Variants in SAMSN1 observed in about 807,000 individuals in gnomAD.
The protein encoded by SAMSN1 is SAM domain, SH3 domain and nuclear localization signals 1.
A neutral mutation model predicts 42.0 loss-of-function variants in SAMSN1; 31 were observed. The observed-to-expected ratio is 0.74, with a 90% CI of 0.55 to 1.00. The LOEUF is 1.00. Ranked by LOEUF, SAMSN1 falls within the 50% of genes least tolerant of loss-of-function variation. SAMSN1 has a pLI of 0.00. For missense variants in SAMSN1, 464 were observed against 439.4 expected (o/e 1.06, Z -0.50); for synonymous variants, 178 against 151.9 (o/e 1.17, Z -1.26).
chr21:14,615,868 A>G (rs1982823012), intron 3 of SAMSN1: 1 of 244,090 alleles, frequency 4.1e-6, no homozygotes, highest in African/African-American at 2.5e-5. Context: ...AGCTGCAAAA[A>G]AAAAAAAAAA....
chr21:14,489,591 A>G (rs1013823071), intron 7 of SAMSN1, among the ~76,000 whole-genome samples: 2 of 152,180 alleles, frequency 1.3e-5, no homozygotes, highest in African/African-American at 4.8e-5. Flanking sequence ...AATAATTTGA[A>G]TAAGGGTCTT....
intron 4 of SAMSN1, among the ~76,000 whole-genome samples, chr21:14,511,469 CA>C (rs1321881146): frequency 1.3e-5 from 2 of 152,118 alleles, no homozygotes; most frequent in Admixed American, 6.5e-5. Context: ...TTCATACATG[CA>C]AAAAACATCC....
chr21:14,652,580 G>T (rs1983853249), intron 1 of SAMSN1, among the ~76,000 whole-genome samples: 1 of 151,924 alleles, frequency 6.6e-6, no homozygotes, highest in South Asian at 2.1e-4. Context: ...TTCAAACTAT[G>T]AAACTAGAAG....
intron 6 of SAMSN1, among the ~76,000 whole-genome samples, chr21:14,601,005 C>T (rs1982414315): frequency 6.6e-6 from 1 of 152,138 alleles, no homozygotes; most frequent in Non-Finnish European, 1.5e-5. Context: ...CACTGAATCC[C>T]ATGAAAGTAC....
chr21:14,520,486 A>G (rs1224323073), intron 2 of SAMSN1, among the ~76,000 whole-genome samples: 1 of 152,216 alleles, frequency 6.6e-6, no homozygotes, highest in Non-Finnish European at 1.5e-5. Flanking sequence ...GTCAGTTTGA[A>G]TTCTATCTTT....
chr21:14,558,934 GCTC>G (rs769847258), intron 2 of SAMSN1, among the ~76,000 whole-genome samples: 3 of 152,096 alleles, frequency 2.0e-5, no homozygotes, highest in Non-Finnish European at 4.4e-5. Context: ...TACCGACTCA[GCTC>G]CTGATTCCAG....
intron 1 of SAMSN1, among the ~76,000 whole-genome samples, chr21:14,545,724 T>C (rs1464890810): frequency 6.6e-6 from 1 of 152,198 alleles, no homozygotes; most frequent in Non-Finnish European, 1.5e-5. Flanking sequence ...CGAGCTATCA[T>C]GATTTAACAT....
intron 2 of SAMSN1, among the ~76,000 whole-genome samples, chr21:14,640,941 T>C (rs926904800): frequency 1.3e-5 from 2 of 152,158 alleles, no homozygotes; most frequent in Non-Finnish European, 2.9e-5. Context: ...GCAATATAAA[T>C]GAAGTTTGAA....
intron 1 of SAMSN1, among the ~76,000 whole-genome samples, chr21:14,543,878 T>C (rs1393871792): frequency 2.6e-5 from 4 of 152,230 alleles, no homozygotes; most frequent in Admixed American, 2.6e-4. Flanking sequence ...ATCTGGTATG[T>C]AGTTAATCAG....
chr21:14,612,260 G>A (rs993873213), intron 4 of SAMSN1, among the ~76,000 whole-genome samples: 1 of 151,992 alleles, frequency 6.6e-6, no homozygotes, highest in Non-Finnish European at 1.5e-5. Context: ...TAAAATTATT[G>A]ACTGGATGAT....
chr21:14,557,982 G>A (rs79593629), intron 2 of SAMSN1, among the ~76,000 whole-genome samples: 4,059 of 152,268 alleles, frequency 0.027, 68 homozygotes, highest in African/African-American at 0.031. Context: ...GGACTTTGGA[G>A]GAGTGATGGC....
At chr21:14,570,113 C>T (rs561461961) in intron 2 of SAMSN1, among the ~76,000 whole-genome samples, 26 of 152,076 alleles carry the variant, frequency 1.7e-4, no homozygotes, top group African/African-American at 4.8e-4. Context: ...GTGCCCTTTG[C>T]GGGTGACTGC....
intron 7 of SAMSN1, among the ~76,000 whole-genome samples, chr21:14,491,716 C>T (rs1400913204): frequency 6.6e-6 from 1 of 152,190 alleles, no homozygotes; most frequent in East Asian, 1.9e-4. Context: ...TCCCTTGTCA[C>T]ATGAATTTTG....
chr21:14,526,482 T>C (rs532429163), intron 1 of SAMSN1, among the ~76,000 whole-genome samples: 1 of 152,324 alleles, frequency 6.6e-6, no homozygotes, highest in Admixed American at 6.5e-5. Flanking sequence ...TAATGAGTAA[T>C]ATAAAAGAAC....
At chr21:14,597,298 T>A (rs1365479383) in intron 6 of SAMSN1, among the ~76,000 whole-genome samples, 1 of 152,116 alleles carries the variant, frequency 6.6e-6, no homozygotes, top group Non-Finnish European at 1.5e-5. Context: ...CATGAAAAAT[T>A]GGTCCCATTT....
At chr21:14,544,629 T>C (rs1399648921) in intron 1 of SAMSN1, among the ~76,000 whole-genome samples, 6 of 152,320 alleles carry the variant, frequency 3.9e-5, no homozygotes, top group Admixed American at 2.6e-4. Context: ...TTCTGTGATA[T>C]GTTTTGTTCA....
intron 5 of SAMSN1, among the ~76,000 whole-genome samples, chr21:14,503,275 C>A (rs1213610504): frequency 6.6e-6 from 1 of 152,100 alleles, no homozygotes; most frequent in Non-Finnish European, 1.5e-5. Context: ...TTTTCCTGTT[C>A]ATCCTGAAAG....
chr21:14,615,352 A>G (rs752090390), intron 3 of SAMSN1, among the ~76,000 whole-genome samples: 1 of 152,190 alleles, frequency 6.6e-6, no homozygotes, highest in African/African-American at 2.4e-5. Context: ...AAAAAGCACA[A>G]GAGCTTTTGA....
At chr21:14,597,707 A>G (rs534057858) in intron 6 of SAMSN1, among the ~76,000 whole-genome samples, 1 of 152,298 alleles carries the variant, frequency 6.6e-6, no homozygotes, top group Admixed American at 6.5e-5. Context: ...AAGTGCAGAC[A>G]TAGGGTTTCC....
Sources: gnomAD v4.1 joint callset for allele counts (sites outside exome capture counted in the v4.1 genomes callset) on GRCh38, gnomAD v4.1.1 for gene constraint, MANE v1.5 for transcripts, NCBI Gene and HGNC (gene_info 2026-07-23, HGNC 2026-07-21) for gene names.